Variants in KIF25 observed in about 807,000 individuals in gnomAD.
KIF25 encodes kinesin family member 25, also known as kinesin-like protein KIF25.
In KIF25, 19 loss-of-function variants were observed where a neutral mutation model predicts 32.9. The observed-to-expected ratio is 0.58, with a 90% CI of 0.40 to 0.85. The LOEUF is 0.85. KIF25 is among the 40% of genes least tolerant of loss of function. The pLI, the probability that KIF25 is intolerant of heterozygous loss-of-function variation, is 0.00. For synonymous variants in KIF25, 225 were observed against 213.7 expected (o/e 1.05, Z -0.46); for missense variants, 485 against 507.0 (o/e 0.96, Z 0.42).
chr6:168,044,944 C>T lies in KIF25; in HGVS notation c.1103C>T (p.Ala368Val), dbSNP rs1343175845. The T allele has an allele frequency of 6.2e-7, 1 of 1,611,234 alleles. No homozygotes were observed. Among genetic ancestry groups the T allele is most frequent in the Non-Finnish European group, 8.5e-7 (1 of 1,177,796 alleles). Residue 368 changes from alanine to valine, a missense_variant, in exon 13 of 13, where the codon GCC becomes GTC. Transcript: ENST00000643607. ...IRARQVQRGPARKKPPSSQTE... is the reference protein window; with the variant it reads ...IRARQVQRGPVRKKPPSSQTE... ...GCTCGGCAAGTCCAGCGAGGCCCTGCCCGAAAGAAGCCGCCCAGCTCCCAA... is the reference window on the plus strand; with the variant it reads ...GCTCGGCAAGTCCAGCGAGGCCCTGTCCGAAAGAAGCCGCCCAGCTCCCAA...
chr6:168,010,302 C>T (rs1356094906), intron 4 of KIF25, among the ~76,000 whole-genome samples: 1 of 151,136 alleles, frequency 6.6e-6, no homozygotes, highest in Admixed American at 6.6e-5. Context: ...TGCTGTGTCC[C>T]ATAGGTTTTG....
chr6:168,022,109 C>G (rs1798795291), intron 5 of KIF25, among the ~76,000 whole-genome samples: 1 of 152,204 alleles, frequency 6.6e-6, no homozygotes, highest in African/African-American at 2.4e-5. Flanking sequence ...TTCTCTCCTT[C>G]TATCTATATC....
intron 5 of KIF25, among the ~76,000 whole-genome samples, chr6:168,024,759 C>T (rs1183244533): frequency 6.6e-6 from 1 of 151,226 alleles, no homozygotes; most frequent in Admixed American, 6.6e-5. Context: ...AGTTCAAGAC[C>T]AGCCTGGCTG....
At chr6:168,035,739 C>T (rs993287209) in intron 8 of KIF25, 8 of 456,100 alleles carry the variant, frequency 1.8e-5, no homozygotes, top group African/African-American at 1.4e-4. Context: ...CGTCTCCCTC[C>T]AGGGCACAGT....
chr6:168,042,741 C>T, intron 12 of KIF25, 25 bp downstream of exon 12: 2 of 1,597,784 alleles, frequency 1.3e-6, no homozygotes, highest in South Asian at 2.2e-5. Context: ...CAAAATGCCC[C>T]AGGATGGGGG....
chr6:168,038,549 G>A lies in KIF25; in HGVS notation c.318-4G>A, dbSNP rs376908446. On this transcript the variant is annotated splice_polypyrimidine_tract_variant and splice_region_variant and intron_variant, in intron 8 of 12. Coordinates refer to ENST00000643607, the MANE Select transcript of KIF25 (RefSeq NM_030615.4). ...GTAAGTTTCTCTTGTGTGTTTTCCC[G>A]CAGGCTCATTTTGGAAAATACCTCA... The A allele has an allele frequency of 6.3e-5, 101 of 1,613,632 alleles. No individual in the cohort carries two copies. Among genetic ancestry groups the A allele is most frequent in the South Asian group, 2.6e-4 (24 of 91,070 alleles).
At chr6:168,034,470 G>T (rs1195419489) in intron 8 of KIF25, among the ~76,000 whole-genome samples, 1 of 152,146 alleles carries the variant, frequency 6.6e-6, no homozygotes. Context: ...TGTTGGCCAG[G>T]CTGGTCTCAA....
chr6:168,011,205 ATTG>A (rs1271436401), intron 4 of KIF25, among the ~76,000 whole-genome samples: 1 of 151,546 alleles, frequency 6.6e-6, no homozygotes, highest in Non-Finnish European at 1.5e-5. Context: ...TTCCTCTCTT[ATTG>A]TTTATTTTTT....
At chr6:168,003,414 G>A (rs904580938) in intron 3 of KIF25, among the ~76,000 whole-genome samples, 200 bp from the exon 4 acceptor site, 1 of 152,184 alleles carries the variant, frequency 6.6e-6, no homozygotes, top group African/African-American at 2.4e-5. Flanking sequence ...AGAGGAGGAA[G>A]AGGAGCCAAG....
In KIF25 at chr6:168,039,970, T is replaced by C. The variant is rs968028873; in HGVS notation, c.495-95T>C. ...GTACCCCACTGGCACGCGTGGCTCA[T>C]GTGAGAGGCTTCCCTGAGCCGAGGA... On this transcript the variant is annotated intron_variant, in intron 9 of 12. Transcript: ENST00000643607. 6 of 1,432,370 alleles carry C rather than the reference T, an allele frequency of 4.2e-6. 1 individual carries two copies. The highest frequency in any genetic ancestry group is 5.6e-6 in the Non-Finnish European group (6 of 1,071,478). 88.7% of individuals were successfully genotyped at this position (1,432,370 alleles called of 1,614,324 possible).
intron 7 of KIF25, among the ~76,000 whole-genome samples, chr6:168,033,636 G>T (rs974501549): frequency 2.0e-5 from 3 of 152,184 alleles, no homozygotes; most frequent in Non-Finnish European, 4.4e-5. Flanking sequence ...CGGGATGGAT[G>T]AACCCACGCT....
intron 7 of KIF25, among the ~76,000 whole-genome samples, chr6:168,032,875 A>AG (rs1341958945): frequency 6.6e-6 from 1 of 152,234 alleles, no homozygotes; most frequent in African/African-American, 2.4e-5. Context: ...GAACCCACTT[A>AG]GCATCAGGTC....
chr6:168,041,536 C>T (rs1288278122), intron 10 of KIF25, among the ~76,000 whole-genome samples: 1 of 152,138 alleles, frequency 6.6e-6, no homozygotes, highest in Non-Finnish European at 1.5e-5. Flanking sequence ...TTTAAAAAAC[C>T]TAAGAAGTTT....
chr6:167,997,783 G>C lies in KIF25; in HGVS notation c.-1686G>C, dbSNP rs1798442329. Among the ~76,000 whole-genome samples the C allele has an allele frequency of 1.3e-5, 2 of 152,106 alleles. No homozygotes were observed. The highest frequency in any genetic ancestry group is 4.2e-4 in the South Asian group (2 of 4,818). On this transcript the variant is annotated 5_prime_UTR_variant, in exon 1 of 13. Transcript: ENST00000643607. ...GATGCCAAGGTGGATGATTGAGTGGGTGACCCTCGCTTCTGTGAGGTTTGA... is the reference window on the plus strand; with the variant it reads ...GATGCCAAGGTGGATGATTGAGTGGCTGACCCTCGCTTCTGTGAGGTTTGA...
At chr6:168,024,653 G>A (rs1583136028) in intron 5 of KIF25, among the ~76,000 whole-genome samples, 1 of 151,968 alleles carries the variant, frequency 6.6e-6, no homozygotes, top group African/African-American at 2.4e-5. Flanking sequence ...GGCCAAGGAT[G>A]GAGAAGAAAG....
chr6:168,005,698 T>C (rs1391491998), intron 4 of KIF25, among the ~76,000 whole-genome samples: 2 of 152,174 alleles, frequency 1.3e-5, no homozygotes, highest in Non-Finnish European at 1.5e-5. Flanking sequence ...GTAGGAAGCA[T>C]CCAGCACGGG....
intron 3 of KIF25, among the ~76,000 whole-genome samples, chr6:168,003,407 G>A (rs976827510): frequency 2.6e-5 from 4 of 152,132 alleles, no homozygotes; most frequent in African/African-American, 9.7e-5. Flanking sequence ...CACAGGAAGA[G>A]GAGGAAGAGG....
intron 12 of KIF25, among the ~76,000 whole-genome samples, chr6:168,044,497 G>A (rs866709516): frequency 2.0e-4 from 28 of 139,760 alleles, no homozygotes; most frequent in Non-Finnish European, 2.9e-4. Flanking sequence ...TGACCCTCCC[G>A]GACCCAGGTG....
chr6:168,044,147 G>A (rs995596588), intron 12 of KIF25, among the ~76,000 whole-genome samples: 2 of 152,022 alleles, frequency 1.3e-5, no homozygotes, highest in Non-Finnish European at 2.9e-5. Context: ...CTAGTGACCG[G>A]CTGCTGACCC....
Sources: gnomAD v4.1 joint callset for allele counts (sites outside exome capture counted in the v4.1 genomes callset) on GRCh38, gnomAD v4.1.1 for gene constraint, MANE v1.5 for transcripts, NCBI Gene and HGNC (gene_info 2026-07-23, HGNC 2026-07-21) for gene names.